LRP4: variants seen among roughly 807,000 people sequenced by gnomAD.
LRP4 encodes low-density lipoprotein receptor-related protein 4.
In LRP4, 95 loss-of-function variants were observed where a neutral mutation model predicts 220.3. The ratio of observed to expected loss-of-function variants is 0.43; its 90% CI spans 0.37 to 0.51. The LOEUF is 0.51. LRP4 is among the 20% of genes least tolerant of loss of function. The pLI, the probability that LRP4 is intolerant of heterozygous loss-of-function variation, is 0.00. For missense variants in LRP4, 1,925 were observed against 2,567.0 expected, an observed-to-expected ratio of 0.75 and a Z score of 5.40; for synonymous variants, 903 against 954.6, an observed-to-expected ratio of 0.95 and a Z score of 1.00.
At chr11:46,903,021 C>T in intron 1 of LRP4, 92 bp from the exon 2 acceptor site, 2 of 1,464,600 alleles carry the variant, frequency 1.4e-6, no homozygotes, top group Non-Finnish European at 1.9e-6. Flanking sequence ...AGTCCAGGGG[C>T]ACTGTCACCT....
rs1378934913 is a variant in LRP4, at chr11:46,889,401, A to G, written c.2215+10T>C. On this transcript the variant is annotated intron_variant, in intron 16 of 37. Coordinates refer to ENST00000378623, the MANE Select transcript of LRP4 (RefSeq NM_002334.4). ...GCCTCCATGGAGGCTGGTGTTGCAG[A>G]CCCACTTACTCTGGGCACAGGCGTG... 6.2e-7 allele frequency: 1 copy of G among 1,613,804 alleles called. No individual in the cohort carries two copies. Among genetic ancestry groups the G allele is most frequent in the South Asian group, 1.1e-5 (1 of 91,068 alleles).
chr11:46,889,219 G>A (rs1941365967), intron 16 of LRP4, among the ~76,000 whole-genome samples, 192 bp downstream of exon 16: 1 of 152,212 alleles, frequency 6.6e-6, no homozygotes, highest in Non-Finnish European at 1.5e-5. Context: ...TGAGCCTTCA[G>A]CCACTAGTGC....
intron 1 of LRP4, among the ~76,000 whole-genome samples, chr11:46,909,994 T>A (rs1315989924): frequency 1.3e-5 from 2 of 152,150 alleles, no homozygotes; most frequent in Non-Finnish European, 2.9e-5. Context: ...CTTATTTCTG[T>A]CCCATGGTCC....
chr11:46,899,989 AGCAGTCAGGCT>A lies in LRP4; in HGVS notation c.317-24_317-14del. On this transcript the variant is annotated splice_polypyrimidine_tract_variant and intron_variant, in intron 3 of 37. Coordinates refer to ENST00000378623, the MANE Select transcript of LRP4 (RefSeq NM_002334.4). This position sits in a 1 kb window ranked among gnomAD's most constrained non-coding sequence, Gnocchi z 5.9. ...CACTCCCGGGGGGCTGTGGGCACAGAGCAGTCAGGCTGCTGCAGGCAGTGGGGGTCTGGTGC... is the reference window on the plus strand; with the variant it reads ...CACTCCCGGGGGGCTGTGGGCACAGAGCTGCAGGCAGTGGGGGTCTGGTGC... 1 of 1,600,288 alleles carries A rather than the reference AGCAGTCAGGCT, an allele frequency of 6.2e-7. No homozygotes were observed. Among genetic ancestry groups the A allele is most frequent in the East Asian group, 2.2e-5 (1 of 44,822 alleles).
intron 18 of LRP4, among the ~76,000 whole-genome samples, chr11:46,884,600 C>T (rs905473974): frequency 2.6e-5 from 4 of 151,844 alleles, no homozygotes; most frequent in African/African-American, 7.3e-5. Context: ...AGCCAGGCGT[C>T]GTGGCGGGCA....
At chr11:46,907,676 A>T (rs976219088) in intron 1 of LRP4, among the ~76,000 whole-genome samples, 2 of 152,214 alleles carry the variant, frequency 1.3e-5, no homozygotes, top group Non-Finnish European at 2.9e-5. Context: ...AAGAAGGGAA[A>T]CATCCATCTG....
Position 46,899,540 on chromosome 11 carries a change from C to T in LRP4, c.431-37G>A, listed in dbSNP as rs757116733. ...CGATGGGACAGCAGTTCTGAGGGGGCCCCACAGGCAACCCTCTCACCCTCC... is the reference window on the plus strand; with the variant it reads ...CGATGGGACAGCAGTTCTGAGGGGGTCCCACAGGCAACCCTCTCACCCTCC... On this transcript the variant is annotated intron_variant, in intron 4 of 37. Transcript: ENST00000378623. The surrounding 1 kb of genome is among the most constrained non-coding windows in gnomAD (Gnocchi z 5.9). The T allele has an allele frequency of 7.7e-6, 11 of 1,424,440 alleles. No homozygotes were observed. In the South Asian group the frequency reaches 1.3e-4, roughly 16 times the overall value. The allele number at this position is 1,424,440 out of a possible 1,614,324, so 88.2% of individuals were successfully genotyped here.
At position 46,867,963 on chromosome 11, in the gene LRP4, C is replaced by T. The variant is rs1940747537; in HGVS notation, c.5087+16G>A. 6.2e-7 allele frequency: 1 copy of T among 1,613,994 alleles called. No individual in the cohort carries two copies. The highest frequency in any genetic ancestry group is 1.3e-5 in the African/African-American group (1 of 74,918). On this transcript the variant is annotated intron_variant, in intron 34 of 37. Coordinates refer to ENST00000378623, the MANE Select transcript of LRP4 (RefSeq NM_002334.4). ...TTGAATCAAAGGGCCCATGATCCTGCATTGAACCTATTTACCTTCCTTCCA... is the reference window on the plus strand; with the variant it reads ...TTGAATCAAAGGGCCCATGATCCTGTATTGAACCTATTTACCTTCCTTCCA...
intron 37 of LRP4, 123 bp downstream of exon 37, chr11:46,862,483 A>G (rs1017087883): frequency 2.6e-5 from 27 of 1,022,012 alleles, no homozygotes; most frequent in East Asian, 4.7e-5. Flanking sequence ...TCTGTTCACT[A>G]TAACTTCCAA....
In LRP4 at chr11:46,899,833, T is replaced by C. The variant is rs781302556; in HGVS notation, c.430+30A>G. 1.0e-5 allele frequency: 16 copies of C among 1,596,384 alleles called. No homozygotes were observed. The highest frequency in any genetic ancestry group is 1.4e-5 in the Non-Finnish European group (16 of 1,164,914). ...TGGCCAGGCCACCCACTGGCCACCTTGCCTGCCTTCCCCCGTTGGGGTCAC... is the reference window on the plus strand; with the variant it reads ...TGGCCAGGCCACCCACTGGCCACCTCGCCTGCCTTCCCCCGTTGGGGTCAC... On this transcript the variant is annotated intron_variant, in intron 4 of 37. Coordinates refer to ENST00000378623, the MANE Select transcript of LRP4 (RefSeq NM_002334.4). The surrounding 1 kb of genome is among the most constrained non-coding windows in gnomAD (Gnocchi z 5.9).
intron 1 of LRP4, among the ~76,000 whole-genome samples, chr11:46,903,469 G>A (rs1941706429): frequency 6.6e-6 from 1 of 152,024 alleles, no homozygotes; most frequent in Non-Finnish European, 1.5e-5. Flanking sequence ...ACTCCAGCAG[G>A]TGCAACAGAG....
intron 2 of LRP4, among the ~76,000 whole-genome samples, chr11:46,901,981 C>A (rs1054586272): frequency 6.6e-6 from 1 of 151,848 alleles, no homozygotes; most frequent in Admixed American, 6.6e-5. Flanking sequence ...GATCTGCCCA[C>A]CTCAGCCTCC....
rs571600831 is a variant in LRP4, at chr11:46,865,260, G to T, written c.5088-74C>A. ...GGTCATGCCTTCCTCCAGGAAAGGG[G>T]GAAAGGCCTGTAAGTGGGGGCTTTC... On this transcript the variant is annotated intron_variant, in intron 34 of 37. Coordinates refer to ENST00000378623, the MANE Select transcript of LRP4 (RefSeq NM_002334.4). The T allele has an allele frequency of 5.3e-5, 58 of 1,086,650 alleles. No homozygotes were observed. The African/African-American group carries it at 5.9e-4, about 11-fold the overall frequency. The allele number at this position is 1,086,650 out of a possible 1,614,324, so 67.3% of individuals were successfully genotyped here.
intron 1 of LRP4, among the ~76,000 whole-genome samples, chr11:46,912,603 GTCCTCA>G (rs1342970275): frequency 6.6e-6 from 1 of 152,222 alleles, no homozygotes; most frequent in East Asian, 1.9e-4. Flanking sequence ...GCTGTCTCTT[GTCCTCA>G]TCCATGCCAG....
rs1452628718 is a variant in LRP4 at position 46,876,601 on chromosome 11, A to G, written c.3401T>C (p.Ile1134Thr). The G allele has an allele frequency of 6.2e-7, 1 of 1,614,186 alleles. No individual in the cohort carries two copies. Among genetic ancestry groups the G allele is most frequent in the South Asian group, 1.1e-5 (1 of 91,090 alleles). The change falls in exon 25 of 38, where the codon ATT (isoleucine) becomes ACT (threonine). Residue 1134 changes from isoleucine (I) to threonine (T), a missense_variant. Physicochemically the swap from Ile to Thr is moderately conservative, Grantham distance 89. This residue lies in a region of LRP4 where 1,244 missense variants were observed against 1,624.9 expected (regional missense o/e 0.77). Coordinates refer to ENST00000378623, the MANE Select transcript of LRP4 (RefSeq NM_002334.4). ...GTCTGTCCAGTATACTTTCCGGCCA[A>G]TGGCATCAACCGCGAGCCCATCTGT... ...QTTDGLAVDA[I>T]GRKVYWTDTG...
At position 46,868,569 on chromosome 11, in the gene LRP4, C is replaced by T. The variant is rs758900180; in HGVS notation, c.4951+31G>A. On this transcript the variant is annotated intron_variant, in intron 33 of 37. Transcript: ENST00000378623. The stretch of plus-strand genomic sequence containing the variant: ...CTCTCAGCCCTTCCAGGGGCTCTGC[C>T]GAGTGGCTCCAGCCATACAGTCCAA... 21 of 1,512,662 alleles carry T rather than the reference C, an allele frequency of 1.4e-5. No homozygotes were observed. In the East Asian group the frequency reaches 3.4e-4, roughly 24 times the overall value. The allele number at this position is 1,512,662 out of a possible 1,614,324, so 93.7% of individuals were successfully genotyped here.
intron 16 of LRP4, 101 bp downstream of exon 16, chr11:46,889,310 G>A: frequency 6.6e-7 from 1 of 1,522,460 alleles, no homozygotes; most frequent in Non-Finnish European, 9.0e-7. Flanking sequence ...GAGGAATGTG[G>A]TTTTTCCCAT....
chr11:46,873,343 C>T lies in LRP4; in HGVS notation c.4448+32G>A. The T allele has an allele frequency of 6.2e-7, 1 of 1,613,330 alleles. No homozygotes were observed. Among genetic ancestry groups the T allele is most frequent in the Non-Finnish European group, 8.5e-7 (1 of 1,179,524 alleles). On this transcript the variant is annotated intron_variant, in intron 29 of 37. Transcript: ENST00000378623. This position sits in a 1 kb window ranked among gnomAD's most constrained non-coding sequence, Gnocchi z 4.2. ...CATCTTTCCACCCAGCCCTTCTTCC[C>T]TGGATCTCTCTTCTGCTGGCCATAA... is the stretch of plus-strand genomic sequence containing the variant.
intron 31 of LRP4, among the ~76,000 whole-genome samples, chr11:46,870,102 T>C (rs1189338026): frequency 7.1e-6 from 1 of 140,666 alleles, no homozygotes; most frequent in Non-Finnish European, 1.5e-5. Flanking sequence ...CGAGACTCCA[T>C]CTCAAAAAAA....
Sources: gnomAD v4.1 joint callset for allele counts (sites outside exome capture counted in the v4.1 genomes callset) on GRCh38, gnomAD v4.1.1 for gene constraint, gnomAD v4.1.1 regional missense constraint, Gnocchi (gnomAD v3.1) non-coding constraint, MANE v1.5 for transcripts, NCBI Gene and HGNC (gene_info 2026-07-23, HGNC 2026-07-21) for gene names.